Variants in DLGAP1 observed in about 807,000 individuals in gnomAD.
DLGAP1 encodes DLG associated protein 1.
Under a neutral mutation model 90.8 loss-of-function variants are expected in DLGAP1, and 11 were observed. That is an observed-to-expected ratio of 0.12 (90% CI 0.08 to 0.20). DLGAP1 has a LOEUF of 0.20. Ranked by LOEUF, DLGAP1 falls within the 10% of genes least tolerant of loss-of-function variation. The pLI, the probability that DLGAP1 is intolerant of heterozygous loss-of-function variation, is 1.00. For synonymous variants in DLGAP1, 558 were observed against 540.7 expected (o/e 1.03, Z -0.44); for missense variants, 1,050 against 1,333.8 (o/e 0.79, Z 3.31).
At position 4,098,349 on chromosome 18, in the gene DLGAP1, A is replaced by C. The variant is rs192307890; in HGVS notation, c.-159+52831T>G. 1.3e-4 allele frequency among the ~76,000 whole-genome samples: 20 copies of C among 152,362 alleles called. No individual in the cohort carries two copies. In the East Asian group the frequency reaches 3.7e-3, roughly 28 times the overall value. On this transcript the variant is annotated intron_variant, in intron 2 of 12. Coordinates refer to ENST00000315677, the MANE Select transcript of DLGAP1 (RefSeq NM_004746.4). Reference sequence around the variant, plus strand: ...AAAGGTTAAATGTCTTCACAGAATAAATCAATCAACAAATATTTATTATAA... The same window carrying C: ...AAAGGTTAAATGTCTTCACAGAATACATCAATCAACAAATATTTATTATAA...
intron 2 of DLGAP1, among the ~76,000 whole-genome samples, chr18:4,133,728 G>C (rs887045897): frequency 7.2e-5 from 11 of 152,244 alleles, no homozygotes; most frequent in African/African-American, 2.6e-4. Context: ...GGTACGGAAG[G>C]ATTCAACAAA....
chr18:3,763,482 A>G (rs2064067421), intron 5 of DLGAP1, among the ~76,000 whole-genome samples: 1 of 152,096 alleles, frequency 6.6e-6, no homozygotes, highest in Admixed American at 6.6e-5. Context: ...ATATACATCT[A>G]TCCTATTAGT....
intron 1 of DLGAP1, among the ~76,000 whole-genome samples, chr18:4,379,931 A>G (rs1257181213): frequency 6.6e-6 from 1 of 152,212 alleles, no homozygotes; most frequent in African/African-American, 2.4e-5. Context: ...AAAAATGAAT[A>G]AACCAATATA....
chr18:3,564,614 T>C (rs1019711855), intron 9 of DLGAP1, among the ~76,000 whole-genome samples: 1 of 152,104 alleles, frequency 6.6e-6, no homozygotes, highest in Admixed American at 6.6e-5. Context: ...CCTGGTAGAG[T>C]TCCTGGAGGT....
chr18:4,388,692 TC>T (rs2082283575), intron 1 of DLGAP1, among the ~76,000 whole-genome samples: 1 of 152,070 alleles, frequency 6.6e-6, no homozygotes. Flanking sequence ...AAAGTTACTC[TC>T]CCCCACCCGC....
chr18:4,100,209 G>C (rs1292333901), intron 2 of DLGAP1, among the ~76,000 whole-genome samples: 3 of 152,114 alleles, frequency 2.0e-5, no homozygotes, highest in African/African-American at 7.2e-5. Context: ...ATAAGACTTG[G>C]AAGTCAAAAT....
intron 2 of DLGAP1, among the ~76,000 whole-genome samples, chr18:4,098,417 C>T (rs2075720162): frequency 6.6e-6 from 1 of 151,746 alleles, no homozygotes; most frequent in Admixed American, 6.6e-5. Flanking sequence ...GCTTTTATAC[C>T]CCAGGAGATA....
intron 7 of DLGAP1, among the ~76,000 whole-genome samples, chr18:3,720,897 A>AAAAAAAAAAAAAAAAAAAAAAAAC (rs1568012925): frequency 7.4e-6 from 1 of 135,746 alleles, no homozygotes; most frequent in African/African-American, 2.7e-5. Flanking sequence ...ACAAAAAAAA[A>AAAAAAAAAAAAAAAAAAAAAAAAC]AAAAAAAAAA....
intron 7 of DLGAP1, among the ~76,000 whole-genome samples, chr18:3,635,295 TG>T (rs1358407150): frequency 5.9e-5 from 9 of 151,826 alleles, no homozygotes; most frequent in South Asian, 2.1e-4. Flanking sequence ...CACGCCCGGC[TG>T]ATTTTTTTGT....
At chr18:3,675,525 G>C (rs923430460) in intron 7 of DLGAP1, among the ~76,000 whole-genome samples, 5 of 152,236 alleles carry the variant, frequency 3.3e-5, no homozygotes, top group African/African-American at 1.2e-4. Flanking sequence ...TCTGGCCTCA[G>C]AGTCTGAATT....
intron 1 of DLGAP1, among the ~76,000 whole-genome samples, chr18:4,453,680 T>C (rs569111653): frequency 6.6e-6 from 1 of 152,324 alleles, no homozygotes; most frequent in South Asian, 2.1e-4. Context: ...CCTCACCTTC[T>C]ACGAAGCCAT....
At chr18:3,683,001 C>T (rs912155043) in intron 7 of DLGAP1, among the ~76,000 whole-genome samples, 1 of 151,940 alleles carries the variant, frequency 6.6e-6, no homozygotes, top group Non-Finnish European at 1.5e-5. Flanking sequence ...GGATTACAGG[C>T]GCGTGCCCTC....
In DLGAP1 at chr18:3,736,781, T is replaced by C. The variant is rs2062656281; in HGVS notation, c.1350+5554A>G. 5.3e-5 allele frequency among the ~76,000 whole-genome samples: 8 copies of C among 151,272 alleles called. No homozygotes were observed. The South Asian group carries it at 1.7e-3, about 32-fold the overall frequency. Reference sequence around the variant, plus strand: ...GAAATAACTAAAATCAGAGCAGAACTGAAGGAAATAGAGACACAAAAAACC... The same window carrying C: ...GAAATAACTAAAATCAGAGCAGAACCGAAGGAAATAGAGACACAAAAAACC... On this transcript the variant is annotated intron_variant, in intron 6 of 12. Transcript: ENST00000315677.
intron 1 of DLGAP1, among the ~76,000 whole-genome samples, chr18:4,301,051 T>TA (rs1339050288): frequency 3.3e-5 from 5 of 152,202 alleles, no homozygotes; most frequent in Non-Finnish European, 7.4e-5. Flanking sequence ...TATATTATGG[T>TA]ATATGAATAC....
intron 1 of DLGAP1, among the ~76,000 whole-genome samples, chr18:4,235,337 G>A (rs1407429366): frequency 1.3e-5 from 2 of 152,162 alleles, no homozygotes; most frequent in African/African-American, 4.8e-5. Flanking sequence ...GAAGCACTGA[G>A]CTTGCTGCAC....
intron 1 of DLGAP1, among the ~76,000 whole-genome samples, chr18:4,195,893 G>A (rs1044527024): frequency 1.4e-4 from 21 of 152,206 alleles, no homozygotes; most frequent in Middle Eastern, 3.4e-3. Flanking sequence ...GCACAACAGA[G>A]GACATGTTTG....
intron 3 of DLGAP1, among the ~76,000 whole-genome samples, chr18:3,999,714 A>T (rs2074142340): frequency 7.1e-5 from 1 of 14,106 alleles, no homozygotes; most frequent in South Asian, 1.6e-3. Context: ...CTTACAAATT[A>T]TTGGGGGGAA....
chr18:4,147,372 C>T (rs988085124), intron 2 of DLGAP1, among the ~76,000 whole-genome samples: 16 of 152,042 alleles, frequency 1.1e-4, no homozygotes, highest in Non-Finnish European at 2.2e-4. Context: ...ATATTGATAC[C>T]CAGATGCTTG....
At chr18:3,741,663 A>G (rs887233829) in intron 6 of DLGAP1, among the ~76,000 whole-genome samples, 1 of 152,160 alleles carries the variant, frequency 6.6e-6, no homozygotes, top group African/African-American at 2.4e-5. Flanking sequence ...TATGGTCACC[A>G]TCACCATCAG....
Sources: gnomAD v4.1 joint callset for allele counts (sites outside exome capture counted in the v4.1 genomes callset) on GRCh38, gnomAD v4.1.1 for gene constraint, MANE v1.5 for transcripts, NCBI Gene and HGNC (gene_info 2026-07-23, HGNC 2026-07-21) for gene names.